LRRC4C: variants seen among roughly 807,000 people sequenced by gnomAD.
LRRC4C encodes leucine-rich repeat-containing protein 4C.
LRRC4C carries 5 observed loss-of-function variants against 33.6 expected under a neutral mutation model. The ratio of observed to expected loss-of-function variants is 0.15; its 90% confidence interval spans 0.08 to 0.31. LRRC4C has a LOEUF of 0.31. Among genes scored for constraint, LRRC4C ranks in the 10% least tolerant of loss-of-function variants. The pLI, the probability that LRRC4C is intolerant of heterozygous loss-of-function variation, is 1.00. For synonymous variants in LRRC4C, 329 were observed against 302.0 expected, an observed-to-expected ratio of 1.09 and a Z score of -0.93; for missense variants, 560 against 796.7, an observed-to-expected ratio of 0.70 and a Z score of 3.58.
At chr11:40,895,984 AGTT>A (rs1955921934) in intron 2 of LRRC4C, among the ~76,000 whole-genome samples, 1 of 152,130 alleles carries the variant, frequency 6.6e-6, no homozygotes, top group South Asian at 2.1e-4. Flanking sequence ...TCTCCTGAGA[AGTT>A]GTGTCCTAAC....
At chr11:41,355,960 C>G (rs1287560063) in intron 1 of LRRC4C, among the ~76,000 whole-genome samples, 5 of 151,976 alleles carry the variant, frequency 3.3e-5, no homozygotes, top group African/African-American at 9.7e-5. Context: ...ATTATCAAAA[C>G]CAAGCTGGCT....
chr11:40,680,709 A>C (rs1944644503), intron 2 of LRRC4C, among the ~76,000 whole-genome samples: 1 of 152,156 alleles, frequency 6.6e-6, no homozygotes, highest in African/African-American at 2.4e-5. Context: ...ATGGGACTGT[A>C]AGTTCAATAA....
chr11:40,561,278 T>A (rs1480314940), intron 3 of LRRC4C, among the ~76,000 whole-genome samples: 13 of 152,064 alleles, frequency 8.5e-5, no homozygotes, highest in Non-Finnish European at 1.9e-4. Flanking sequence ...TTACTTAATC[T>A]CTCTGATTAC....
Position 41,022,142 on chromosome 11 carries a change from T to TTATATATATATATATATATATATA in LRRC4C, c.-495-88420_-495-88419insTATATATATATATATATATATATA, listed in dbSNP as rs142909883. On this transcript the variant is annotated intron_variant, in intron 1 of 6. Transcript: ENST00000528697. ...AATTTTATGAGCTTACAATTTTGTT[T>TTATATATATATATATATATATATA]TATATATATATATATATATATATGT... 2.7e-4 allele frequency among the ~76,000 whole-genome samples: 38 copies of TTATATATATATATATATATATATA among 139,046 alleles called. 1 individual carries two copies. Among genetic ancestry groups the TTATATATATATATATATATATATA allele is most frequent in the African/African-American group, 8.5e-4 (31 of 36,676 alleles). 91.2% of individuals were successfully genotyped at this position (139,046 alleles called of 152,430 possible). A position where few individuals can be genotyped will look rare whatever the true frequency, so the allele number is the denominator to read the frequency against.
rs563679028 is a variant in LRRC4C at position 40,541,931 on chromosome 11, A to G, written c.-270+106211T>C. Among the ~76,000 whole-genome samples, 3 of 152,234 alleles carry G rather than the reference A, an allele frequency of 2.0e-5. No homozygotes were observed. The East Asian group carries it at 5.8e-4, about 29-fold the overall frequency. On this transcript the variant is annotated intron_variant, in intron 3 of 6. Transcript: ENST00000528697. The stretch of plus-strand genomic sequence containing the variant: ...TTCCAAAAACCTAAATCTTCTGCCC[A>G]GTTTTTTGAGATTCTTGATATTTGA...
At chr11:41,268,215 G>T (rs1020516252) in intron 1 of LRRC4C, among the ~76,000 whole-genome samples, 57 of 152,204 alleles carry the variant, frequency 3.7e-4, no homozygotes, top group African/African-American at 1.3e-3. Context: ...GGCCTGCCAT[G>T]CTCTGGAGTC....
At chr11:40,206,566 A>C (rs1172045290) in intron 5 of LRRC4C, among the ~76,000 whole-genome samples, 1 of 152,174 alleles carries the variant, frequency 6.6e-6, no homozygotes, top group Non-Finnish European at 1.5e-5. Flanking sequence ...AGGCAGGTTA[A>C]GTAATTGTTC....
In LRRC4C at chr11:40,608,272, G is replaced by A. The variant is rs1372829334; in HGVS notation, c.-270+39870C>T. Among the ~76,000 whole-genome samples the A allele has an allele frequency of 2.6e-5, 4 of 152,048 alleles. No individual in the cohort carries two copies. The East Asian group carries it at 5.8e-4, about 22-fold the overall frequency. ...TGTGGGGGGAAAGTAAAAGTGTAGA[G>A]TGCTTTTATGTAATTGAAATTCAGT... On this transcript the variant is annotated intron_variant, in intron 3 of 6. Transcript: ENST00000528697.
At chr11:41,249,036 C>CTTTTTTTT (rs554360740) in intron 1 of LRRC4C, among the ~76,000 whole-genome samples, 1 of 148,984 alleles carries the variant, frequency 6.7e-6, no homozygotes. Flanking sequence ...AAGATACTGT[C>CTTTTTTTT]TTCTTTTTTT....
intron 2 of LRRC4C, among the ~76,000 whole-genome samples, chr11:40,828,073 G>A (rs1328661122): frequency 6.6e-6 from 1 of 151,180 alleles, no homozygotes; most frequent in Non-Finnish European, 1.5e-5. Flanking sequence ...CAGTGCCTAA[G>A]CTAAAAAATT....
At chr11:40,652,877 C>T (rs183846261) in intron 2 of LRRC4C, among the ~76,000 whole-genome samples, 48 of 152,330 alleles carry the variant, frequency 3.2e-4, no homozygotes, top group African/African-American at 1.0e-3. Context: ...ATAATCCCCA[C>T]ATGTCAAGAG....
At chr11:40,218,997 T>G (rs1345181471) in intron 5 of LRRC4C, among the ~76,000 whole-genome samples, 1 of 152,202 alleles carries the variant, frequency 6.6e-6, no homozygotes, top group African/African-American at 2.4e-5. Flanking sequence ...TGTTATTTGC[T>G]CAAATGTCTC....
chr11:40,186,238 G>C (rs1263539837), intron 5 of LRRC4C, among the ~76,000 whole-genome samples: 5 of 152,172 alleles, frequency 3.3e-5, no homozygotes, highest in Admixed American at 6.6e-5. Flanking sequence ...AATGTGGTAG[G>C]ACTGACTTAC....
At chr11:40,470,462 C>G (rs944193847) in intron 3 of LRRC4C, among the ~76,000 whole-genome samples, 1 of 152,154 alleles carries the variant, frequency 6.6e-6, no homozygotes, top group Admixed American at 6.5e-5. Flanking sequence ...ATTCCAAAAA[C>G]CGGAATGTCT....
chr11:40,262,126 A>G (rs1163762653), intron 4 of LRRC4C, among the ~76,000 whole-genome samples: 2 of 152,220 alleles, frequency 1.3e-5, no homozygotes, highest in East Asian at 3.8e-4. Flanking sequence ...ACTTAAACAA[A>G]TTTACAAGAG....
At chr11:40,472,224 G>A (rs990920069) in intron 3 of LRRC4C, among the ~76,000 whole-genome samples, 8 of 151,944 alleles carry the variant, frequency 5.3e-5, no homozygotes, top group Non-Finnish European at 1.2e-4. Context: ...AGCTTGCAAT[G>A]AGCCGAGATT....
At chr11:40,381,789 T>G (rs1257234716) in intron 3 of LRRC4C, among the ~76,000 whole-genome samples, 1 of 152,008 alleles carries the variant, frequency 6.6e-6, no homozygotes, top group Non-Finnish European at 1.5e-5. Flanking sequence ...TGGCTTTTGG[T>G]CATTGGGACG....
At chr11:40,367,681 T>A (rs1039780453) in intron 3 of LRRC4C, among the ~76,000 whole-genome samples, 1 of 152,158 alleles carries the variant, frequency 6.6e-6, no homozygotes, top group Non-Finnish European at 1.5e-5. Flanking sequence ...ATATATCTTA[T>A]GTCCTTCTTC....
intron 1 of LRRC4C, among the ~76,000 whole-genome samples, chr11:41,226,955 T>C (rs1430045757): frequency 6.6e-6 from 1 of 152,058 alleles, no homozygotes; most frequent in Non-Finnish European, 1.5e-5. Context: ...CATTTGTTAT[T>C]TGTCCTTCCT....
Sources: allele counts gnomAD v4.1 joint callset (sites outside exome capture counted in the v4.1 genomes callset), GRCh38; gene constraint gnomAD v4.1.1; transcripts MANE v1.5; gene names NCBI Gene and HGNC (gene_info 2026-07-23, HGNC 2026-07-21).